The following SGCZ variants were observed in gnomAD, a reference collection of about 807,000 sequenced individuals.
SGCZ encodes sarcoglycan zeta.
SGCZ carries 40 observed loss-of-function variants against 41.3 expected under a neutral mutation model. That is an observed-to-expected ratio of 0.97 (90% confidence interval 0.75 to 1.26). The LOEUF is 1.26. Ranked by LOEUF, SGCZ falls within the 50% of genes most tolerant of loss-of-function variation. The pLI, the probability that SGCZ is intolerant of heterozygous loss-of-function variation, is 0.00. For missense variants in SGCZ, 552 were observed against 369.8 expected (o/e 1.49, Z -4.04); for synonymous variants, 206 against 137.5 (o/e 1.50, Z -3.49).
At chr8:14,916,493 C>T (rs1338256333) in intron 1 of SGCZ, among the ~76,000 whole-genome samples, 2 of 152,134 alleles carry the variant, frequency 1.3e-5, no homozygotes, top group Admixed American at 1.3e-4. Flanking sequence ...CAGGAATGCT[C>T]CAAATTTAGC....
At chr8:15,175,910 A>G (rs569578775) in intron 1 of SGCZ, among the ~76,000 whole-genome samples, 1 of 152,274 alleles carries the variant, frequency 6.6e-6, no homozygotes, top group Non-Finnish European at 1.5e-5. Context: ...AGCAGTCAAG[A>G]TTGCTAGGAA....
intron 2 of SGCZ, among the ~76,000 whole-genome samples, chr8:14,351,015 GC>G (rs1563273581): frequency 6.6e-6 from 1 of 152,002 alleles, no homozygotes; most frequent in Admixed American, 6.6e-5. Flanking sequence ...AGTCCTCTCA[GC>G]TTTTGCTGTA....
intron 5 of SGCZ, among the ~76,000 whole-genome samples, chr8:14,109,986 G>T (rs1366008402): frequency 2.6e-5 from 4 of 151,976 alleles, no homozygotes; most frequent in African/African-American, 9.7e-5. Context: ...AGACTCTGTA[G>T]GACATATGGT....
chr8:14,389,580 G>C (rs1804689989), intron 2 of SGCZ, among the ~76,000 whole-genome samples: 1 of 151,622 alleles, frequency 6.6e-6, no homozygotes, highest in African/African-American at 2.4e-5. Flanking sequence ...CTCTAATCAG[G>C]GTGAAAAATA....
At chr8:14,496,795 T>C (rs1158795392) in intron 2 of SGCZ, among the ~76,000 whole-genome samples, 1 of 152,194 alleles carries the variant, frequency 6.6e-6, no homozygotes, top group Non-Finnish European at 1.5e-5. Flanking sequence ...TCTTACAAAA[T>C]AAGAAAGTTG....
At chr8:14,973,233 C>T (rs1046330310) in intron 1 of SGCZ, among the ~76,000 whole-genome samples, 3 of 152,012 alleles carry the variant, frequency 2.0e-5, no homozygotes, top group African/African-American at 4.8e-5. Flanking sequence ...AGGAGCCATC[C>T]CTTTGAAATG....
chr8:14,730,689 G>A (rs765848920), intron 1 of SGCZ, among the ~76,000 whole-genome samples: 9 of 151,798 alleles, frequency 5.9e-5, no homozygotes, highest in East Asian at 1.9e-4. Context: ...TTATGTCACC[G>A]GGGACTGGGG....
Position 14,324,076 on chromosome 8 carries a change from G to C in SGCZ, c.336+27C>G, listed in dbSNP as rs28658359. On this transcript the variant is annotated intron_variant, in intron 3 of 7. Transcript: ENST00000382080. ...AACATAACCTCTAAATTATCTTTTA[G>C]AGTAAGCCAAAGCCAGTATCACATA... is the stretch of plus-strand genomic sequence containing the variant. The C allele has an allele frequency of 7.6e-4, 1,139 of 1,494,528 alleles. 11 individuals carry two copies. In the African/African-American group the frequency reaches 0.013, roughly 17 times the overall value. The allele number at this position is 1,494,528 out of a possible 1,614,324, so 92.6% of individuals were successfully genotyped here.
chr8:14,201,090 C>T (rs1362394005), intron 4 of SGCZ, among the ~76,000 whole-genome samples: 1 of 152,100 alleles, frequency 6.6e-6, no homozygotes, highest in Non-Finnish European at 1.5e-5. Flanking sequence ...ATTAAATACA[C>T]ATTGGACAAA....
rs188107046 is a variant in SGCZ at position 14,264,719 on chromosome 8, T to C, written c.337-27040A>G. On this transcript the variant is annotated intron_variant, in intron 3 of 7. Coordinates refer to ENST00000382080, the MANE Select transcript of SGCZ (RefSeq NM_139167.4). ...TCTCACGCCTGTAATCCCAGCACTTTGGGAGTCCGAGGCGGGCGGATCACG... is the reference window on the plus strand; with the variant it reads ...TCTCACGCCTGTAATCCCAGCACTTCGGGAGTCCGAGGCGGGCGGATCACG... Among the ~76,000 whole-genome samples, 771 of 152,278 alleles carry C rather than the reference T, an allele frequency of 5.1e-3. 5 individuals carry two copies. Among genetic ancestry groups the C allele is most frequent in the South Asian group, 0.02 (96 of 4,830 alleles).
At chr8:15,151,433 T>C (rs1203627341) in intron 1 of SGCZ, among the ~76,000 whole-genome samples, 1 of 152,242 alleles carries the variant, frequency 6.6e-6, no homozygotes, top group Non-Finnish European at 1.5e-5. Flanking sequence ...TATGTTCAAC[T>C]ATGGGAGAAA....
At chr8:14,790,942 G>T (rs1800930229) in intron 1 of SGCZ, among the ~76,000 whole-genome samples, 1 of 150,878 alleles carries the variant, frequency 6.6e-6, no homozygotes, top group South Asian at 2.1e-4. Flanking sequence ...AAGGCAGGAG[G>T]ATCTCTTGAA....
intron 1 of SGCZ, among the ~76,000 whole-genome samples, chr8:14,623,103 C>A (rs183637128): frequency 1.3e-5 from 2 of 152,116 alleles, no homozygotes; most frequent in African/African-American, 2.4e-5. Flanking sequence ...ACAATTCAGT[C>A]GCTTTGAACT....
chr8:14,493,359 C>CTTTT lies in SGCZ; in HGVS notation c.234+61369_234+61372dup, dbSNP rs57898016. 1.7e-3 allele frequency among the ~76,000 whole-genome samples: 76 copies of CTTTT among 44,280 alleles called. 9 individuals are homozygous for CTTTT. The highest frequency in any genetic ancestry group is 7.9e-3 in the South Asian group (6 of 760). 29.0% of individuals were successfully genotyped at this position (44,280 alleles called of 152,430 possible). A position where few individuals can be genotyped will look rare whatever the true frequency, so the allele number is the denominator to read the frequency against. ...CATACTTTTCCCACTATCATCCTTT[C>CTTTT]TTTTTTTTTTTTTTTTTTTTTTTTT... On this transcript the variant is annotated intron_variant, in intron 2 of 7. Transcript: ENST00000382080.
chr8:14,845,829 G>T (rs975289779), intron 1 of SGCZ, among the ~76,000 whole-genome samples: 2 of 152,040 alleles, frequency 1.3e-5, no homozygotes, highest in African/African-American at 2.4e-5. Flanking sequence ...AAGATAAAAA[G>T]TCAGATATAA....
intron 1 of SGCZ, among the ~76,000 whole-genome samples, chr8:14,557,458 A>G (rs899648126): frequency 6.6e-6 from 1 of 151,948 alleles, no homozygotes; most frequent in Non-Finnish European, 1.5e-5. Context: ...CTTTGTTCTT[A>G]TTGCATTTGC....
chr8:14,808,200 G>A (rs13439115), intron 1 of SGCZ, among the ~76,000 whole-genome samples: 1 of 151,992 alleles, frequency 6.6e-6, no homozygotes, highest in Admixed American at 6.6e-5. Flanking sequence ...AACACCAAAA[G>A]CAATGGCAAC....
At chr8:14,752,240 T>C (rs1273119340) in intron 1 of SGCZ, among the ~76,000 whole-genome samples, 1 of 152,170 alleles carries the variant, frequency 6.6e-6, no homozygotes, top group African/African-American at 2.4e-5. Flanking sequence ...TTTCTCTTAT[T>C]TGCAGCTGAA....
chr8:15,231,880 C>G (rs1483365342), intron 1 of SGCZ, among the ~76,000 whole-genome samples: 2 of 152,042 alleles, frequency 1.3e-5, no homozygotes, highest in African/African-American at 2.4e-5. Flanking sequence ...CCTTGGCCTT[C>G]CAAAGTGTTG....
Sources: allele counts gnomAD v4.1 joint callset (sites outside exome capture counted in the v4.1 genomes callset), GRCh38; gene constraint gnomAD v4.1.1; transcripts MANE v1.5; gene names NCBI Gene and HGNC (gene_info 2026-07-23, HGNC 2026-07-21).